Variants in TRAF3 observed in about 807,000 individuals in gnomAD.
TRAF3 encodes the protein TNF receptor associated factor 3, also known as TNF receptor-associated factor 3.
Under a neutral mutation model 62.3 loss-of-function variants are expected in TRAF3, and 13 were observed. The ratio of observed to expected loss-of-function variants is 0.21; its 90% CI spans 0.14 to 0.33. The LOEUF is 0.33. Ranked by LOEUF, TRAF3 falls within the 10% of genes least tolerant of loss-of-function variation. TRAF3 has a pLI of 1.00. For missense variants in TRAF3, 440 were observed against 741.8 expected (o/e 0.59, Z 4.73); for synonymous variants, 269 against 283.4 (o/e 0.95, Z 0.51).
At chr14:102,856,100 A>C (rs1434689631) in intron 2 of TRAF3, among the ~76,000 whole-genome samples, 1 of 147,662 alleles carries the variant, frequency 6.8e-6, no homozygotes, top group African/African-American at 2.5e-5. Context: ...TGTCTCACAA[A>C]AAAAAAAAAA....
chr14:102,791,008 GTCTTT>G (rs964546863), intron 1 of TRAF3, among the ~76,000 whole-genome samples: 11 of 149,766 alleles, frequency 7.3e-5, no homozygotes, highest in East Asian at 2.0e-4. Context: ...AACGTGAGAT[GTCTTT>G]TCTTTTCTTT....
chr14:102,810,320 G>T lies in TRAF3; in HGVS notation c.-156-20014G>T, dbSNP rs144656915. ...CATCACACCCAGTGCAGTCGGCTCT[G>T]GTGGGAACATAGGGTGACCTCAGTG... On this transcript the variant is annotated intron_variant, in intron 1 of 11. Coordinates refer to ENST00000392745, the MANE Select transcript of TRAF3 (RefSeq NM_145725.3). 4.7e-3 allele frequency among the ~76,000 whole-genome samples: 718 copies of T among 152,282 alleles called. 3 individuals are homozygous for T. The highest frequency in any genetic ancestry group is 8.2e-3 in the Non-Finnish European group (558 of 68,026).
intron 10 of TRAF3, among the ~76,000 whole-genome samples, chr14:102,898,466 C>A (rs1890113075): frequency 6.6e-6 from 1 of 152,260 alleles, no homozygotes; most frequent in Non-Finnish European, 1.5e-5. Flanking sequence ...GCCAAGGCGA[C>A]TGGTCAGGCC....
chr14:102,905,120 GA>G (rs1483475693), intron 11 of TRAF3, 92 bp from the exon 12 acceptor site: 3 of 1,319,470 alleles, frequency 2.3e-6, no homozygotes, highest in Non-Finnish European at 3.2e-6. Flanking sequence ...TCAAAAAAAT[GA>G]AATAAAATAA....
intron 1 of TRAF3, among the ~76,000 whole-genome samples, chr14:102,814,535 C>T (rs974920616): frequency 2.7e-4 from 41 of 151,978 alleles, no homozygotes; most frequent in Admixed American, 2.5e-3. Flanking sequence ...TTTTTTCCCC[C>T]CCAAGACAGG....
chr14:102,787,289 C>T (rs965945391), intron 1 of TRAF3, among the ~76,000 whole-genome samples: 35 of 152,116 alleles, frequency 2.3e-4, no homozygotes, highest in Admixed American at 4.6e-4. Flanking sequence ...CTATAGATAT[C>T]TCCCTTTTTA....
chr14:102,811,728 A>AGTGTGTGTGT (rs146439927), intron 1 of TRAF3, among the ~76,000 whole-genome samples: 2 of 138,540 alleles, frequency 1.4e-5, no homozygotes, highest in Non-Finnish European at 3.1e-5. Flanking sequence ...CTACAGCAGT[A>AGTGTGTGTGT]GTGTGTGTGT....
chr14:102,864,838 C>T (rs1432584780), intron 2 of TRAF3, among the ~76,000 whole-genome samples: 4 of 152,236 alleles, frequency 2.6e-5, no homozygotes, highest in Non-Finnish European at 4.4e-5. Context: ...GATTCGCCTC[C>T]GTGGCTTCTC....
chr14:102,880,055 G>T (rs551997321), intron 6 of TRAF3, among the ~76,000 whole-genome samples: 22 of 152,286 alleles, frequency 1.4e-4, no homozygotes, highest in Admixed American at 1.2e-3. Flanking sequence ...GTTTGAGACT[G>T]GTAGTGAGCC....
At chr14:102,823,819 C>T (rs1369460777) in intron 1 of TRAF3, among the ~76,000 whole-genome samples, 1 of 152,162 alleles carries the variant, frequency 6.6e-6, no homozygotes, top group Non-Finnish European at 1.5e-5. Context: ...CAGAGTTGTG[C>T]AGCCATTGCC....
intron 1 of TRAF3, among the ~76,000 whole-genome samples, chr14:102,784,562 T>C (rs1192814898): frequency 6.6e-6 from 1 of 152,154 alleles, no homozygotes; most frequent in Admixed American, 6.6e-5. Flanking sequence ...CAATTGAGAA[T>C]TATTGAATCA....
chr14:102,850,291 C>T (rs934567021), intron 2 of TRAF3, among the ~76,000 whole-genome samples: 2 of 152,074 alleles, frequency 1.3e-5, no homozygotes, highest in African/African-American at 4.8e-5. Flanking sequence ...TTAGAGATGC[C>T]TTTCATTTAG....
intron 2 of TRAF3, among the ~76,000 whole-genome samples, chr14:102,849,728 C>G (rs1281042490): frequency 6.6e-6 from 1 of 152,168 alleles, no homozygotes; most frequent in Non-Finnish European, 1.5e-5. Flanking sequence ...TGGGCCCTCT[C>G]CCGCAGTGGA....
chr14:102,881,846 A>G (rs563208992), intron 6 of TRAF3, among the ~76,000 whole-genome samples: 85 of 152,360 alleles, frequency 5.6e-4, no homozygotes, highest in African/African-American at 1.9e-3. Context: ...TTAAGAAGGA[A>G]TCGTAGCGTA....
At chr14:102,850,792 C>T (rs1886993160) in intron 2 of TRAF3, among the ~76,000 whole-genome samples, 1 of 151,818 alleles carries the variant, frequency 6.6e-6, no homozygotes, top group South Asian at 2.1e-4. Context: ...AGTGCACTGG[C>T]ATAGGTGCCA....
chr14:102,867,179 G>A (rs535891650), intron 2 of TRAF3, among the ~76,000 whole-genome samples: 29 of 152,256 alleles, frequency 1.9e-4, no homozygotes, highest in African/African-American at 6.5e-4. Flanking sequence ...ACACACCAGC[G>A]ACTCCTCTCT....
chr14:102,881,010 T>C (rs1233179653), intron 6 of TRAF3, among the ~76,000 whole-genome samples: 1 of 152,046 alleles, frequency 6.6e-6, no homozygotes, highest in Admixed American at 6.5e-5. Context: ...GGAGAATCGC[T>C]TGAACTCAGG....
chr14:102,903,568 GGT>G lies in TRAF3; in HGVS notation c.1135+143_1135+144del. 1 of 1,249,254 alleles carries G rather than the reference GGT, an allele frequency of 8.0e-7. No individual in the cohort carries two copies. Among genetic ancestry groups the G allele is most frequent in the Non-Finnish European group, 1.1e-6 (1 of 881,934 alleles). 77.4% of individuals were successfully genotyped at this position (1,249,254 alleles called of 1,614,324 possible). ...TTTCTAATTATGGGTAACACGCAGA[GGT>G]GTGATGACTTTCCTACTGAAAGTCC... On this transcript the variant is annotated intron_variant, in intron 11 of 11. Coordinates refer to ENST00000392745, the MANE Select transcript of TRAF3 (RefSeq NM_145725.3). The surrounding 1 kb of genome is among the most constrained non-coding windows in gnomAD (Gnocchi z 6.4).
intron 1 of TRAF3, among the ~76,000 whole-genome samples, chr14:102,795,818 A>T (rs752088165): frequency 4.3e-4 from 66 of 152,312 alleles, no homozygotes; most frequent in African/African-American, 3.9e-4. Flanking sequence ...AGAGGCCAAG[A>T]TAAGTCCGAA....
Sources: allele counts gnomAD v4.1 joint callset (sites outside exome capture counted in the v4.1 genomes callset), GRCh38; gene constraint gnomAD v4.1.1; non-coding constraint Gnocchi (gnomAD v3.1); transcripts MANE v1.5; gene names NCBI Gene and HGNC (gene_info 2026-07-23, HGNC 2026-07-21).